Variants in TRPC4 observed in about 807,000 individuals in gnomAD.
TRPC4 encodes short transient receptor potential channel 4.
Under a neutral mutation model 99.4 loss-of-function variants are expected in TRPC4, and 49 were observed. The observed-to-expected ratio is 0.49, with a 90% CI of 0.39 to 0.63. TRPC4 has a LOEUF of 0.63. Ranked by LOEUF, TRPC4 falls within the 20% of genes least tolerant of loss-of-function variation. The pLI is 0.00. For missense variants in TRPC4, 898 were observed against 1,152.9 expected (o/e 0.78, Z 3.20); for synonymous variants, 454 against 425.9 (o/e 1.07, Z -0.81).
At chr13:37,830,371 ATGT>A (rs1958385622) in intron 1 of TRPC4, among the ~76,000 whole-genome samples, 1 of 152,092 alleles carries the variant, frequency 6.6e-6, no homozygotes, top group Admixed American at 6.5e-5. Context: ...GAATATAAAC[ATGT>A]TGTTATTATT....
chr13:37,677,502 G>A (rs7329459), intron 4 of TRPC4, among the ~76,000 whole-genome samples: 37,140 of 151,742 alleles, frequency 0.24, 4,873 homozygotes, highest in East Asian at 0.54. Context: ...GAAAGCTCCC[G>A]TGGCTACATT....
chr13:37,796,717 C>G (rs1190048300), intron 1 of TRPC4, among the ~76,000 whole-genome samples: 1 of 151,772 alleles, frequency 6.6e-6, no homozygotes. Context: ...ATGGACTTAG[C>G]CCTATTTGTC....
chr13:37,813,972 A>C (rs1957772783), intron 1 of TRPC4, among the ~76,000 whole-genome samples: 1 of 151,904 alleles, frequency 6.6e-6, no homozygotes, highest in Non-Finnish European at 1.5e-5. Flanking sequence ...AGTATTAAAA[A>C]ATGACTGTAT....
intron 3 of TRPC4, among the ~76,000 whole-genome samples, chr13:37,730,716 C>G (rs908280073): frequency 7.2e-5 from 11 of 151,956 alleles, no homozygotes; most frequent in Non-Finnish European, 1.2e-4. Flanking sequence ...CCACAGTATT[C>G]AGGCATTAAA....
chr13:37,732,492 A>G (rs1397412515), intron 3 of TRPC4, among the ~76,000 whole-genome samples: 3 of 152,202 alleles, frequency 2.0e-5, no homozygotes, highest in Non-Finnish European at 2.9e-5. Context: ...GAAAAAAATA[A>G]AAAGTATCCA....
chr13:37,719,896 A>G (rs1954810020), intron 3 of TRPC4, among the ~76,000 whole-genome samples: 1 of 152,200 alleles, frequency 6.6e-6, no homozygotes, highest in Non-Finnish European at 1.5e-5. Flanking sequence ...TTTAATGTTA[A>G]AACATTATTC....
chr13:37,797,708 A>G (rs1178455672), intron 1 of TRPC4, among the ~76,000 whole-genome samples: 2 of 152,180 alleles, frequency 1.3e-5, no homozygotes, highest in Non-Finnish European at 2.9e-5. Context: ...ACTCTTTATA[A>G]AGGTTCATTA....
At position 37,824,656 on chromosome 13, in the gene TRPC4, G is replaced by A. The variant is rs1182378541; in HGVS notation, c.-27-41296C>T. ...CCATGGTGGATAAGCTTTTTGATGT[G>A]CTGCTGGATTCGGTTTGCCATTATT... On this transcript the variant is annotated intron_variant, in intron 1 of 10. Transcript: ENST00000379705. 3.3e-5 allele frequency among the ~76,000 whole-genome samples: 5 copies of A among 152,108 alleles called. No individual in the cohort carries two copies. The East Asian group carries it at 9.7e-4, about 29-fold the overall frequency.
chr13:37,753,679 C>T (rs1431297452), intron 2 of TRPC4, among the ~76,000 whole-genome samples: 2 of 151,972 alleles, frequency 1.3e-5, no homozygotes, highest in Non-Finnish European at 2.9e-5. Flanking sequence ...AAGAAGAGAT[C>T]TCATCCAGAT....
intron 1 of TRPC4, among the ~76,000 whole-genome samples, chr13:37,788,856 G>A (rs1012862001): frequency 6.6e-6 from 1 of 152,074 alleles, no homozygotes; most frequent in Non-Finnish European, 1.5e-5. Flanking sequence ...TTAGTCACAT[G>A]TGCCTATTTA....
At chr13:37,859,085 T>TA (rs140390536) in intron 1 of TRPC4, among the ~76,000 whole-genome samples, 85 of 150,730 alleles carry the variant, frequency 5.6e-4, no homozygotes, top group Middle Eastern at 3.4e-3. Flanking sequence ...AAATTAAAAA[T>TA]AAAAAATATA....
chr13:37,777,354 C>A (rs956954425), intron 2 of TRPC4, among the ~76,000 whole-genome samples: 3 of 151,814 alleles, frequency 2.0e-5, no homozygotes, highest in Non-Finnish European at 4.4e-5. Flanking sequence ...TGTCTTCACA[C>A]GGCAGCGGGA....
chr13:37,750,549 G>A (rs1955905252), intron 2 of TRPC4, among the ~76,000 whole-genome samples: 1 of 151,994 alleles, frequency 6.6e-6, no homozygotes, highest in South Asian at 2.1e-4. Context: ...TAAAAGTATG[G>A]CAAATTATAT....
In TRPC4 at chr13:37,865,682, A is replaced by G. The variant is rs910704444; in HGVS notation, c.-28+3913T>C. Among the ~76,000 whole-genome samples, 5 of 151,712 alleles carry G rather than the reference A, an allele frequency of 3.3e-5. No homozygotes were observed. In the East Asian group the frequency reaches 5.8e-4, roughly 18 times the overall value. ...AAATAGCTGAAAAAATGAATTTATGAAACTTGTTAAAAGATTATTGATTGT... is the reference window on the plus strand; with the variant it reads ...AAATAGCTGAAAAAATGAATTTATGGAACTTGTTAAAAGATTATTGATTGT... On this transcript the variant is annotated intron_variant, in intron 1 of 10. Coordinates refer to ENST00000379705, the MANE Select transcript of TRPC4 (RefSeq NM_016179.4).
intron 1 of TRPC4, among the ~76,000 whole-genome samples, chr13:37,803,210 C>T (rs1330637088): frequency 6.6e-6 from 1 of 151,986 alleles, no homozygotes; most frequent in Non-Finnish European, 1.5e-5. Context: ...GCTTCAGGCT[C>T]ATCTTGCATT....
intron 1 of TRPC4, among the ~76,000 whole-genome samples, chr13:37,837,556 CCT>C (rs991286604): frequency 3.3e-5 from 5 of 152,174 alleles, no homozygotes; most frequent in African/African-American, 1.2e-4. Context: ...GGGCCTGTAG[CCT>C]CTTTTTGGCC....
In TRPC4 at chr13:37,645,513, G is replaced by A. The variant is rs576184999; in HGVS notation, c.2079+5752C>T. Reference sequence around the variant, plus strand: ...TCATTTCCACTCTGGTTTTGGTCTAGCAGTGAATTTTAAGCCCATGAATTA... The same window carrying A: ...TCATTTCCACTCTGGTTTTGGTCTAACAGTGAATTTTAAGCCCATGAATTA... On this transcript the variant is annotated intron_variant, in intron 8 of 10. Transcript: ENST00000379705. Among the ~76,000 whole-genome samples, 4 of 152,262 alleles carry A rather than the reference G, an allele frequency of 2.6e-5. No individual in the cohort carries two copies. In the East Asian group the frequency reaches 7.7e-4, roughly 29 times the overall value.
At chr13:37,649,822 C>T (rs1951982720) in intron 8 of TRPC4, among the ~76,000 whole-genome samples, 1 of 147,258 alleles carries the variant, frequency 6.8e-6, no homozygotes, top group South Asian at 2.3e-4. Flanking sequence ...AGTCAAATAT[C>T]TGGAGTAAAA....
At chr13:37,823,101 C>G (rs1276434233) in intron 1 of TRPC4, among the ~76,000 whole-genome samples, 5 of 151,672 alleles carry the variant, frequency 3.3e-5, no homozygotes, top group Middle Eastern at 3.4e-3. Flanking sequence ...ATCCTTCACC[C>G]ACTTTTTGAT....
Sources: allele counts gnomAD v4.1 joint callset (sites outside exome capture counted in the v4.1 genomes callset), GRCh38; gene constraint gnomAD v4.1.1; transcripts MANE v1.5; gene names NCBI Gene and HGNC (gene_info 2026-07-23, HGNC 2026-07-21).